The following MACROD2 variants were observed in gnomAD, a reference collection of about 807,000 sequenced individuals.
MACROD2 encodes the protein ADP-ribose glycohydrolase MACROD2.
MACROD2 carries 36 observed loss-of-function variants against 70.4 expected under a neutral mutation model. The ratio of observed to expected loss-of-function variants is 0.51; its 90% CI spans 0.39 to 0.68. MACROD2 has a LOEUF of 0.68. MACROD2 is among the 30% of genes least tolerant of loss of function. The probability of loss-of-function intolerance (pLI) is 0.00; values close to 1 mark genes in which losing one functional copy is unlikely to be tolerated. For missense variants in MACROD2, 496 were observed against 538.4 expected, an observed-to-expected ratio of 0.92 and a Z score of 0.78; for synonymous variants, 172 against 178.8, an observed-to-expected ratio of 0.96 and a Z score of 0.30.
chr20:15,914,246 A>G (rs944771561), intron 10 of MACROD2, among the ~76,000 whole-genome samples: 2 of 152,256 alleles, frequency 1.3e-5, no homozygotes, highest in African/African-American at 4.8e-5. Context: ...ATTGGAAAAC[A>G]GCTCTATCTA....
chr20:14,609,570 G>C (rs1983028529), intron 4 of MACROD2, among the ~76,000 whole-genome samples: 1 of 152,104 alleles, frequency 6.6e-6, no homozygotes, highest in Non-Finnish European at 1.5e-5. Context: ...TGCCTACTCT[G>C]AACTTCATTG....
intron 3 of MACROD2, among the ~76,000 whole-genome samples, chr20:14,435,757 A>G (rs2084049649): frequency 6.6e-6 from 1 of 151,568 alleles, no homozygotes; most frequent in Non-Finnish European, 1.5e-5. Flanking sequence ...CCCAGGCTGG[A>G]GTGCAGTGGT....
At chr20:15,621,402 A>G (rs1441507429) in intron 8 of MACROD2, among the ~76,000 whole-genome samples, 6 of 152,194 alleles carry the variant, frequency 3.9e-5, no homozygotes, top group Non-Finnish European at 7.3e-5. Flanking sequence ...CGATTCTTCC[A>G]GAAAACTTTG....
At chr20:14,704,332 G>A (rs534485579) in intron 5 of MACROD2, among the ~76,000 whole-genome samples, 5 of 151,888 alleles carry the variant, frequency 3.3e-5, no homozygotes, top group African/African-American at 7.3e-5. Flanking sequence ...GATTTATTGC[G>A]CCCTTTTCCT....
At chr20:15,496,386 G>A (rs778635624) in intron 7 of MACROD2, among the ~76,000 whole-genome samples, 29 of 152,192 alleles carry the variant, frequency 1.9e-4, no homozygotes, top group Non-Finnish European at 1.5e-5. Flanking sequence ...TTGAAATCAC[G>A]TGGGGTTACA....
intron 3 of MACROD2, among the ~76,000 whole-genome samples, chr20:14,245,554 G>A (rs988119295): frequency 1.3e-5 from 2 of 152,090 alleles, no homozygotes; most frequent in Non-Finnish European, 2.9e-5. Flanking sequence ...TCAGGTCTGA[G>A]GAACTCCCAA....
At chr20:14,392,451 G>C (rs1017179255) in intron 3 of MACROD2, among the ~76,000 whole-genome samples, 7 of 152,100 alleles carry the variant, frequency 4.6e-5, no homozygotes, top group African/African-American at 1.7e-4. Flanking sequence ...TTTCCTTTGA[G>C]AGGGTTTTAA....
intron 5 of MACROD2, among the ~76,000 whole-genome samples, chr20:14,761,364 A>G (rs967836656): frequency 5.9e-5 from 9 of 152,074 alleles, no homozygotes; most frequent in African/African-American, 9.7e-5. Flanking sequence ...GCTGTACATT[A>G]TTAATATTTG....
At position 14,279,189 on chromosome 20, in the gene MACROD2, A is replaced by G. The variant is rs545727440; in HGVS notation, c.271+193461A>G. On this transcript the variant is annotated intron_variant, in intron 3 of 17. Transcript: ENST00000684519. Reference sequence around the variant, plus strand: ...AATAACATTTTTGGAGTTAGAGCAAATATAATTTCCCCTTCTAGTTTCTTA... The same window carrying G: ...AATAACATTTTTGGAGTTAGAGCAAGTATAATTTCCCCTTCTAGTTTCTTA... Among the ~76,000 whole-genome samples the G allele has an allele frequency of 7.2e-5, 11 of 152,340 alleles. No homozygotes were observed. The South Asian group carries it at 2.3e-3, about 32-fold the overall frequency.
At chr20:14,862,213 A>ATT (rs1284543497) in intron 5 of MACROD2, among the ~76,000 whole-genome samples, 5 of 3,646 alleles carry the variant, frequency 1.4e-3, no homozygotes, top group African/African-American at 4.3e-3. Context: ...ATAAATATAT[A>ATT]TATATATAAA....
At chr20:15,345,386 C>T (rs2078154928) in intron 6 of MACROD2, among the ~76,000 whole-genome samples, 1 of 152,124 alleles carries the variant, frequency 6.6e-6, no homozygotes, top group South Asian at 2.1e-4. Context: ...TTGTCTGTAT[C>T]CAGCAGCCCA....
At chr20:14,264,183 C>T (rs2122324916) in intron 3 of MACROD2, among the ~76,000 whole-genome samples, 1 of 152,174 alleles carries the variant, frequency 6.6e-6, no homozygotes, top group South Asian at 2.1e-4. Context: ...GCTATAGCAC[C>T]AATTTGCACT....
chr20:15,831,528 G>A (rs2064055847), intron 8 of MACROD2, among the ~76,000 whole-genome samples: 3 of 152,202 alleles, frequency 2.0e-5, no homozygotes, highest in African/African-American at 7.2e-5. Flanking sequence ...ACCTGCACCA[G>A]CTCTTCCTCC....
At chr20:15,380,312 G>A (rs1176483974) in intron 6 of MACROD2, among the ~76,000 whole-genome samples, 1 of 152,078 alleles carries the variant, frequency 6.6e-6, no homozygotes, top group Non-Finnish European at 1.5e-5. Flanking sequence ...CAAGAGGAAA[G>A]AAGCTTTCAA....
At chr20:14,855,696 C>T (rs1229858751) in intron 5 of MACROD2, among the ~76,000 whole-genome samples, 3 of 134,304 alleles carry the variant, frequency 2.2e-5, no homozygotes, top group South Asian at 2.6e-4. Flanking sequence ...AAGACTATTA[C>T]GTTAATATCT....
intron 5 of MACROD2, among the ~76,000 whole-genome samples, chr20:15,213,346 C>G (rs994038278): frequency 3.9e-5 from 6 of 152,038 alleles, no homozygotes; most frequent in African/African-American, 1.2e-4. Flanking sequence ...ATATTTTCTT[C>G]TTTGGACTTA....
chr20:15,942,760 A>G (rs1290325853), intron 12 of MACROD2, among the ~76,000 whole-genome samples: 1 of 152,142 alleles, frequency 6.6e-6, no homozygotes, highest in African/African-American at 2.4e-5. Context: ...TTTTTTCAAC[A>G]CTTCCAATAG....
intron 3 of MACROD2, among the ~76,000 whole-genome samples, chr20:14,414,215 C>G (rs2083779152): frequency 6.6e-6 from 1 of 152,150 alleles, no homozygotes; most frequent in Non-Finnish European, 1.5e-5. Context: ...AAGTCCCAAA[C>G]AAATCTTCTG....
intron 3 of MACROD2, among the ~76,000 whole-genome samples, chr20:14,347,313 A>C (rs977808252): frequency 6.6e-6 from 1 of 152,166 alleles, no homozygotes; most frequent in African/African-American, 2.4e-5. Flanking sequence ...ATGAGAGGTC[A>C]CCCATCCTTG....
Sources: gnomAD v4.1 joint callset for allele counts (sites outside exome capture counted in the v4.1 genomes callset) on GRCh38, gnomAD v4.1.1 for gene constraint, MANE v1.5 for transcripts, NCBI Gene and HGNC (gene_info 2026-07-23, HGNC 2026-07-21) for gene names.